The following PALS1 variants were observed in gnomAD, a reference collection of about 807,000 sequenced individuals.
PALS1 encodes protein PALS1.
Under a neutral mutation model 78.9 loss-of-function variants are expected in PALS1, and 31 were observed. The ratio of observed to expected loss-of-function variants is 0.39; its 90% CI spans 0.30 to 0.53. The LOEUF (loss-of-function observed/expected upper bound fraction) is 0.53, where lower values mean the gene tolerates loss of function less well. PALS1 is among the 20% of genes least tolerant of loss of function. The pLI, the probability that PALS1 is intolerant of heterozygous loss-of-function variation, is 0.67. For synonymous variants in PALS1, 276 were observed against 270.9 expected, an observed-to-expected ratio of 1.02 and a Z score of -0.18; for missense variants, 704 against 826.5, an observed-to-expected ratio of 0.85 and a Z score of 1.82.
At chr14:67,324,980 C>T (rs1306238524) in intron 14 of PALS1, among the ~76,000 whole-genome samples, 1 of 141,108 alleles carries the variant, frequency 7.1e-6, no homozygotes, top group Non-Finnish European at 1.5e-5. Flanking sequence ...TCTCGGCTGA[C>T]TGCAAGCTCC....
chr14:67,305,578 G>T (rs1469422122), intron 8 of PALS1, among the ~76,000 whole-genome samples: 2 of 152,166 alleles, frequency 1.3e-5, no homozygotes, highest in African/African-American at 4.8e-5. Context: ...ACAATGCCCA[G>T]CCAAGACATG....
chr14:67,253,810 C>T (rs1461955684), intron 1 of PALS1, among the ~76,000 whole-genome samples: 1 of 150,466 alleles, frequency 6.6e-6, no homozygotes, highest in East Asian at 1.9e-4. Context: ...TGCTGCTCTT[C>T]AGTCTGGGCA....
intron 2 of PALS1, among the ~76,000 whole-genome samples, chr14:67,275,887 G>T (rs966714167): frequency 4.6e-5 from 7 of 152,134 alleles, no homozygotes; most frequent in Non-Finnish European, 1.0e-4. Flanking sequence ...ATTTCTTCTA[G>T]ATTTTCTACT....
intron 3 of PALS1, among the ~76,000 whole-genome samples, chr14:67,283,977 A>T (rs1489442822): frequency 6.6e-6 from 1 of 152,198 alleles, no homozygotes; most frequent in Non-Finnish European, 1.5e-5. Flanking sequence ...GTCAAAACTG[A>T]GTTTAAATAC....
chr14:67,286,706 A>G (rs1313225244), intron 3 of PALS1, among the ~76,000 whole-genome samples: 1 of 151,408 alleles, frequency 6.6e-6, no homozygotes, highest in African/African-American at 2.4e-5. Flanking sequence ...AAAAAATACA[A>G]AAATAGCCAG....
chr14:67,302,536 C>CG lies in PALS1; in HGVS notation c.933dup (p.Lys312GlufsTer5). 6.3e-7 allele frequency: 1 copy of CG among 1,576,396 alleles called. No individual in the cohort carries two copies. Among genetic ancestry groups the CG allele is most frequent in the Non-Finnish European group, 8.6e-7 (1 of 1,162,724 alleles). ...TCTAGAGATTAATGGCATTGAAATTCGGGGGAAAGATGTCAATGAGGTTTT... is the reference window on the plus strand; with the variant it reads ...TCTAGAGATTAATGGCATTGAAATTCGGGGGGAAAGATGTCAATGAGGTTTT... On this transcript the variant is annotated frameshift_variant, in exon 7 of 15. Coordinates refer to ENST00000261681, the MANE Select transcript of PALS1 (RefSeq NM_022474.4). LOFTEE classifies it high-confidence loss of function.
rs1407637516 is a variant in PALS1 at position 67,312,686 on chromosome 14, C to A, written c.1201C>A (p.Gln401Lys). Residue 401 changes from glutamine (Q) to lysine (K), a missense_variant, in exon 9 of 15, where the codon CAA (glutamine) becomes AAA (lysine). By Grantham distance (53) the Gln-to-Lys change is moderately conservative. Coordinates refer to ENST00000261681, the MANE Select transcript of PALS1 (RefSeq NM_022474.4). ...CTACAGGGAAGGGGACGAAGATAAT[C>A]AACCTCTAGCCGGGCTTGTTCCAGG... The part of the protein sequence containing the change: ...QAYREGDEDN[Q>K]PLAGLVPGKS... 2 of 1,610,040 alleles carry A rather than the reference C, an allele frequency of 1.2e-6. No homozygotes were observed. The highest frequency in any genetic ancestry group is 1.3e-5 in the African/African-American group (1 of 74,820).
chr14:67,252,359 T>C (rs977263924), intron 1 of PALS1, among the ~76,000 whole-genome samples: 3 of 152,160 alleles, frequency 2.0e-5, no homozygotes, highest in Admixed American at 6.5e-5. Context: ...CTTGCTGAGC[T>C]GCCCAGGCTG....
intron 14 of PALS1, among the ~76,000 whole-genome samples, chr14:67,326,067 C>T (rs12586609): frequency 0.15 from 22,086 of 146,678 alleles, 3,208 homozygotes; most frequent in East Asian, 0.42. Flanking sequence ...CCTCGTGATC[C>T]AGCCTCCTCG....
chr14:67,327,326 A>G (rs2141031450), intron 14 of PALS1, among the ~76,000 whole-genome samples: 1 of 152,184 alleles, frequency 6.6e-6, no homozygotes, highest in Admixed American at 6.5e-5. Context: ...TTTTAATTGT[A>G]TAAAAAACTG....
At chr14:67,282,997 A>C (rs576219855) in intron 3 of PALS1, among the ~76,000 whole-genome samples, 2 of 152,246 alleles carry the variant, frequency 1.3e-5, no homozygotes, top group Admixed American at 1.3e-4. Context: ...ACTGCCATCT[A>C]TCATATATGT....
At chr14:67,287,799 G>A (rs28607485) in intron 3 of PALS1, among the ~76,000 whole-genome samples, 23,551 of 152,116 alleles carry the variant, frequency 0.15, 3,442 homozygotes, top group East Asian at 0.42. Flanking sequence ...GCTACATGGC[G>A]TAGCAAAATA....
Position 67,335,854 on chromosome 14 carries a change from C to G in PALS1, c.*2898C>G, listed in dbSNP as rs1209024660. ...TTCTCTTGCTATTTGCTCGGCCACT[C>G]AAGGTTTCCACACATGTAAAGACCA... On this transcript the variant is annotated 3_prime_UTR_variant, in exon 15 of 15. Transcript: ENST00000261681. 1 of 152,272 alleles carries G rather than the reference C, an allele frequency of 6.6e-6. No individual in the cohort carries two copies. The highest frequency in any genetic ancestry group is 1.5e-5 in the Non-Finnish European group (1 of 68,046). 9.4% of individuals were successfully genotyped at this position (152,272 alleles called of 1,614,324 possible).
chr14:67,255,644 T>G (rs1315239385), intron 1 of PALS1, among the ~76,000 whole-genome samples: 1 of 152,194 alleles, frequency 6.6e-6, no homozygotes, highest in Non-Finnish European at 1.5e-5. Context: ...TTTCTTAATT[T>G]AAAGGTTCCA....
chr14:67,299,891 C>T lies in PALS1; in HGVS notation c.577-1498C>T, dbSNP rs561925856. Among the ~76,000 whole-genome samples, 6 of 152,268 alleles carry T rather than the reference C, an allele frequency of 3.9e-5. No homozygotes were observed. In the East Asian group the frequency reaches 1.2e-3, roughly 29 times the overall value. ...TTTAATCCAGAATTATCTTCCCATC[C>T]TCAGAGTTTCTTCAGCTGTCAAAAG... On this transcript the variant is annotated intron_variant, in intron 4 of 14. Transcript: ENST00000261681.
chr14:67,250,526 CAAA>C (rs938816585), intron 1 of PALS1, among the ~76,000 whole-genome samples: 1 of 152,120 alleles, frequency 6.6e-6, no homozygotes, highest in Non-Finnish European at 1.5e-5. Flanking sequence ...TAATATTAAA[CAAA>C]AAATTCTAGT....
chr14:67,333,855 T>C lies in PALS1; in HGVS notation c.*899T>C, dbSNP rs1415877521. The C allele has an allele frequency of 6.6e-6, 1 of 152,640 alleles. No homozygotes were observed. Among genetic ancestry groups the C allele is most frequent in the East Asian group, 1.9e-4 (1 of 5,200 alleles). 9.5% of individuals were successfully genotyped at this position (152,640 alleles called of 1,614,324 possible). A position where few individuals can be genotyped will look rare whatever the true frequency, so the allele number is the denominator to read the frequency against. ...CTCATGATGCTAATAGTTTTTTGTA[T>C]ACATGGGAGGATAGCACATTTGACA... On this transcript the variant is annotated 3_prime_UTR_variant, in exon 15 of 15. Coordinates refer to ENST00000261681, the MANE Select transcript of PALS1 (RefSeq NM_022474.4).
chr14:67,293,617 C>T (rs549208516), intron 4 of PALS1, among the ~76,000 whole-genome samples: 6 of 152,160 alleles, frequency 3.9e-5, no homozygotes, highest in African/African-American at 1.2e-4. Context: ...ACTTTTCTTA[C>T]GGAGATTGAA....
At chr14:67,263,943 A>C (rs2084275408) in intron 1 of PALS1, among the ~76,000 whole-genome samples, 1 of 152,108 alleles carries the variant, frequency 6.6e-6, no homozygotes, top group African/African-American at 2.4e-5. Context: ...AGGCTGGTGT[A>C]TGCTATTCAC....
Sources: gnomAD v4.1 joint callset for allele counts (sites outside exome capture counted in the v4.1 genomes callset) on GRCh38, gnomAD v4.1.1 for gene constraint, MANE v1.5 for transcripts, NCBI Gene and HGNC (gene_info 2026-07-23, HGNC 2026-07-21) for gene names.